The following GRM8 variants were observed in gnomAD, a reference collection of about 807,000 sequenced individuals.
The protein encoded by GRM8 is metabotropic glutamate receptor 8.
Under a neutral mutation model 87.2 loss-of-function variants are expected in GRM8, and 47 were observed. The ratio of observed to expected loss-of-function variants is 0.54; its 90% CI spans 0.43 to 0.69. The LOEUF (loss-of-function observed/expected upper bound fraction) is 0.69. Among genes scored for constraint, GRM8 ranks in the 30% least tolerant of loss-of-function variants. The pLI, the probability that GRM8 is intolerant of heterozygous loss-of-function variation, is 0.00. For missense variants in GRM8, 1,019 were observed against 1,139.2 expected (o/e 0.89, Z 1.52); for synonymous variants, 396 against 404.5 (o/e 0.98, Z 0.25).
intron 2 of GRM8, among the ~76,000 whole-genome samples, chr7:127,184,275 C>A (rs950495257): frequency 6.6e-5 from 10 of 151,532 alleles, no homozygotes; most frequent in Non-Finnish European, 1.2e-4. Flanking sequence ...AAATCAAATA[C>A]AACAATATAT....
intron 3 of GRM8, among the ~76,000 whole-genome samples, chr7:127,010,927 G>A (rs1350671570): frequency 6.6e-6 from 1 of 152,096 alleles, no homozygotes; most frequent in African/African-American, 2.4e-5. Context: ...AGAGGAAAAG[G>A]AGGGAGAAGA....
At chr7:126,957,590 C>T (rs1808853756) in intron 3 of GRM8, among the ~76,000 whole-genome samples, 1 of 152,200 alleles carries the variant, frequency 6.6e-6, no homozygotes, top group Admixed American at 6.5e-5. Context: ...TGCAGCTGAG[C>T]CCAGGCACTG....
At chr7:127,042,965 A>G (rs1327656825) in intron 3 of GRM8, among the ~76,000 whole-genome samples, 1 of 152,376 alleles carries the variant, frequency 6.6e-6, no homozygotes, top group East Asian at 1.9e-4. Context: ...ATATGAACAG[A>G]CACTTCTCAA....
intron 3 of GRM8, among the ~76,000 whole-genome samples, chr7:126,926,953 G>A (rs995780712): frequency 3.9e-5 from 6 of 152,144 alleles, no homozygotes; most frequent in African/African-American, 1.4e-4. Flanking sequence ...GGTTCTTTAA[G>A]GTTAGAAATG....
chr7:127,005,527 G>A (rs1814198027), intron 3 of GRM8, among the ~76,000 whole-genome samples: 1 of 151,728 alleles, frequency 6.6e-6, no homozygotes. Flanking sequence ...ATTTCAACCA[G>A]ACATAGTCTC....
chr7:126,863,531 G>A (rs993980962), intron 6 of GRM8, among the ~76,000 whole-genome samples: 5 of 152,100 alleles, frequency 3.3e-5, no homozygotes, highest in Non-Finnish European at 7.4e-5. Context: ...GCTGGCAAGC[G>A]GCAGTGCTAA....
At chr7:126,876,629 A>G (rs17628324) in intron 6 of GRM8, among the ~76,000 whole-genome samples, 14,664 of 152,200 alleles carry the variant, frequency 0.096, 756 homozygotes, top group Middle Eastern at 0.14. Flanking sequence ...TTTTCGTCAT[A>G]TAAGGGCATG....
chr7:126,550,947 T>C (rs1203599523), intron 8 of GRM8, among the ~76,000 whole-genome samples: 14 of 151,216 alleles, frequency 9.3e-5, no homozygotes, highest in South Asian at 4.2e-4. Flanking sequence ...AGGAAAAAAC[T>C]CAAATACACA....
intron 2 of GRM8, among the ~76,000 whole-genome samples, chr7:127,199,926 G>A (rs1267188410): frequency 1.3e-5 from 2 of 151,978 alleles, no homozygotes; most frequent in South Asian, 2.1e-4. Context: ...CTTTTTTTGC[G>A]GATATATGTC....
chr7:126,507,046 A>G (rs956276512), intron 9 of GRM8, among the ~76,000 whole-genome samples: 2 of 152,054 alleles, frequency 1.3e-5, no homozygotes, highest in Non-Finnish European at 2.9e-5. Context: ...CAAATCACCT[A>G]CAGCCAAATA....
At chr7:126,852,137 G>A (rs1280476718) in intron 6 of GRM8, among the ~76,000 whole-genome samples, 1 of 152,084 alleles carries the variant, frequency 6.6e-6, no homozygotes, top group Non-Finnish European at 1.5e-5. Context: ...ATGTCTACCT[G>A]TCGTGTATGC....
chr7:126,668,979 A>T (rs1227605103), intron 7 of GRM8, among the ~76,000 whole-genome samples: 1 of 152,228 alleles, frequency 6.6e-6, no homozygotes, highest in Non-Finnish European at 1.5e-5. Flanking sequence ...ATGGAATACT[A>T]TGCAGCCATA....
intron 8 of GRM8, among the ~76,000 whole-genome samples, chr7:126,555,241 T>C (rs1390041459): frequency 6.6e-6 from 1 of 152,230 alleles, no homozygotes; most frequent in Non-Finnish European, 1.5e-5. Flanking sequence ...CATGACACGG[T>C]ACTAAGTTAG....
At chr7:127,118,112 A>G (rs1826810508) in intron 2 of GRM8, 1 of 152,222 alleles carries the variant, frequency 6.6e-6, no homozygotes, top group Non-Finnish European at 1.5e-5. Context: ...TGAACACCTA[A>G]TAGCACTGGA....
At chr7:126,904,410 G>T in intron 4 of GRM8, 138 bp downstream of exon 4, 1 of 816,974 alleles carries the variant, frequency 1.2e-6, no homozygotes, top group Admixed American at 2.5e-5. Context: ...TACTCTGTAG[G>T]TATTTCAGAT....
At chr7:126,481,448 T>A (rs12155281) in intron 9 of GRM8, among the ~76,000 whole-genome samples, 46,693 of 151,772 alleles carry the variant, frequency 0.31, 7,977 homozygotes, top group Non-Finnish European at 0.37. Flanking sequence ...TTCATTCACA[T>A]GTAATAAAAC....
At chr7:127,200,530 A>G (rs1173790559) in intron 2 of GRM8, among the ~76,000 whole-genome samples, 1 of 152,218 alleles carries the variant, frequency 6.6e-6, no homozygotes, top group African/African-American at 2.4e-5. Context: ...GGCCTAAAGC[A>G]ACAGCAATTT....
Position 126,681,455 on chromosome 7 carries a change from C to G in GRM8, c.1358-71957G>C, listed in dbSNP as rs540166423. ...TCCTCATGACTCCAAAGCTACTGGCCACCTCCTGGCAATGACATTTTAACA... is the reference window on the plus strand; with the variant it reads ...TCCTCATGACTCCAAAGCTACTGGCGACCTCCTGGCAATGACATTTTAACA... On this transcript the variant is annotated intron_variant, in intron 7 of 10. Coordinates refer to ENST00000339582, the MANE Select transcript of GRM8 (RefSeq NM_000845.3). Among the ~76,000 whole-genome samples, 17 of 152,286 alleles carry G rather than the reference C, an allele frequency of 1.1e-4. No individual in the cohort carries two copies. The East Asian group carries it at 3.3e-3, about 29-fold the overall frequency.
chr7:126,689,107 A>C (rs561429205), intron 7 of GRM8, among the ~76,000 whole-genome samples: 1 of 152,288 alleles, frequency 6.6e-6, no homozygotes, highest in Admixed American at 6.5e-5. Context: ...AATCACAGGC[A>C]ATGTTGCTTT....
Sources: allele counts gnomAD v4.1 joint callset (sites outside exome capture counted in the v4.1 genomes callset), GRCh38; gene constraint gnomAD v4.1.1; transcripts MANE v1.5; gene names NCBI Gene and HGNC (gene_info 2026-07-23, HGNC 2026-07-21).